SYT14: variants seen among roughly 807,000 people sequenced by gnomAD.
SYT14 encodes synaptotagmin-14.
A neutral mutation model predicts 74.2 loss-of-function variants in SYT14; 32 were observed. The ratio of observed to expected loss-of-function variants is 0.43; its 90% CI spans 0.33 to 0.58. The LOEUF (loss-of-function observed/expected upper bound fraction) is 0.58, where lower values mean the gene tolerates loss of function less well. Ranked by LOEUF, SYT14 falls within the 20% of genes least tolerant of loss-of-function variation. The pLI is 0.05. For synonymous variants in SYT14, 298 were observed against 337.7 expected (o/e 0.88, Z 1.29); for missense variants, 791 against 981.8 (o/e 0.81, Z 2.60).
chr1:210,059,427 AAT>A (rs374307953), intron 5 of SYT14, among the ~76,000 whole-genome samples: 5,583 of 79,856 alleles, frequency 0.07, 223 homozygotes, highest in Non-Finnish European at 0.077. Flanking sequence ...GACAAGAAAG[AAT>A]ATATATATAT....
chr1:210,141,017 A>G (rs1388322162), intron 7 of SYT14, among the ~76,000 whole-genome samples: 2 of 149,900 alleles, frequency 1.3e-5, no homozygotes, highest in Non-Finnish European at 3.0e-5. Context: ...TAGGACACTT[A>G]AATTTTAGGA....
intron 5 of SYT14, among the ~76,000 whole-genome samples, chr1:210,065,874 C>G (rs1225425903): frequency 6.6e-6 from 1 of 151,356 alleles, no homozygotes; most frequent in African/African-American, 2.4e-5. Flanking sequence ...TTTCCCTCCC[C>G]CTTCCCCCCA....
At chr1:209,965,571 A>G (rs1228046555) in intron 2 of SYT14, among the ~76,000 whole-genome samples, 1 of 152,180 alleles carries the variant, frequency 6.6e-6, no homozygotes, top group African/African-American at 2.4e-5. Flanking sequence ...TTGGGCATAT[A>G]CCCGGTAATG....
At chr1:210,002,421 T>C (rs2102883302) in intron 2 of SYT14, among the ~76,000 whole-genome samples, 1 of 152,304 alleles carries the variant, frequency 6.6e-6, no homozygotes, top group African/African-American at 2.4e-5. Context: ...CCCTTCTGCC[T>C]TGCTGCTTTT....
chr1:209,974,706 G>A (rs903626642), intron 2 of SYT14, among the ~76,000 whole-genome samples: 58 of 151,994 alleles, frequency 3.8e-4, no homozygotes, highest in African/African-American at 1.3e-3. Flanking sequence ...CTCTTTTTTG[G>A]TTCCATATGA....
intron 7 of SYT14, among the ~76,000 whole-genome samples, chr1:210,110,481 C>T (rs989718407): frequency 6.6e-6 from 1 of 152,088 alleles, no homozygotes; most frequent in African/African-American, 2.4e-5. Context: ...TCTTGAGTCA[C>T]TTGGGATATG....
intron 2 of SYT14, among the ~76,000 whole-genome samples, chr1:209,974,126 A>G (rs1403947962): frequency 6.6e-6 from 1 of 151,616 alleles, no homozygotes; most frequent in Non-Finnish European, 1.5e-5. Context: ...TTGTCAGATG[A>G]GTAGATTGCA....
At chr1:210,157,814 A>C (rs1000202276) in intron 8 of SYT14, among the ~76,000 whole-genome samples, 5 of 151,934 alleles carry the variant, frequency 3.3e-5, no homozygotes, top group African/African-American at 1.2e-4. Context: ...TAACTTTTTT[A>C]TCCTTGAATT....
At chr1:210,062,648 A>G (rs1855578) in intron 5 of SYT14, among the ~76,000 whole-genome samples, 4,135 of 151,994 alleles carry the variant, frequency 0.027, 200 homozygotes, top group African/African-American at 0.093. Flanking sequence ...ATGAAATTTG[A>G]CATTCTATTC....
intron 3 of SYT14, among the ~76,000 whole-genome samples, chr1:210,015,282 A>G (rs897021389): frequency 3.9e-5 from 6 of 152,162 alleles, no homozygotes; most frequent in African/African-American, 1.4e-4. Context: ...ATGAGAATGA[A>G]AAAGTTAAGT....
exon 10 of SYT14, chr1:210,169,259 G>C (rs189146694): frequency 8.6e-6 from 1 of 116,906 alleles, no homozygotes; most frequent in African/African-American, 3.5e-5. Flanking sequence ...TTTGTAGTGT[G>C]GGGAGTGGGG....
rs1217831459 is a variant in SYT14 at position 210,094,521 on chromosome 1, A to C, written c.1512A>C (p.Glu504Asp). 6 of 1,613,554 alleles carry C rather than the reference A, an allele frequency of 3.7e-6. No individual in the cohort carries two copies. The South Asian group carries it at 6.6e-5, about 18-fold the overall frequency. Residue 504 changes from glutamate to aspartate, a missense_variant, in exon 6 of 10, where the codon GAA becomes GAC. Physicochemically the swap from Glu to Asp is conservative, Grantham distance 45. Coordinates refer to ENST00000637265, the Ensembl canonical transcript of SYT14. ...CAAGTGAAGGAAGCACAGGTCATGA[A>C]ATAGAAAGTTTTCATAATAAAGGAT... is the stretch of plus-strand genomic sequence containing the variant.
chr1:209,999,306 G>T (rs192041241), intron 2 of SYT14, among the ~76,000 whole-genome samples: 3 of 152,206 alleles, frequency 2.0e-5, no homozygotes, highest in Non-Finnish European at 4.4e-5. Flanking sequence ...TGGTTGGAGA[G>T]AATGTAAATT....
intron 5 of SYT14, among the ~76,000 whole-genome samples, chr1:210,075,143 C>T (rs1411470652): frequency 2.6e-5 from 4 of 152,156 alleles, no homozygotes; most frequent in Non-Finnish European, 4.4e-5. Context: ...CAAACTTGGC[C>T]TCGTCCAGCC....
chr1:210,127,052 T>C (rs560130338), intron 7 of SYT14, among the ~76,000 whole-genome samples: 1 of 152,226 alleles, frequency 6.6e-6, no homozygotes, highest in South Asian at 2.1e-4. Flanking sequence ...GGAAAAATGG[T>C]AAAATGTGCT....
Position 209,968,186 on chromosome 1 carries a change from CATTGACTGAGACCT to C in SYT14, c.-486+15431_-486+15444del, listed in dbSNP as rs1377150163. 2.6e-5 allele frequency among the ~76,000 whole-genome samples: 4 copies of C among 152,100 alleles called. 1 individual carries two copies. Among genetic ancestry groups the C allele is most frequent in the African/African-American group, 9.7e-5 (4 of 41,408 alleles). ...GACAGAATGTAGCCTCATCTTAGGTCATTGACTGAGACCTTGTTTTCTAAAATAGACATTGAGTG... is the reference window on the plus strand; with the variant it reads ...GACAGAATGTAGCCTCATCTTAGGTCTGTTTTCTAAAATAGACATTGAGTG... On this transcript the variant is annotated intron_variant, in intron 2 of 9. Transcript: ENST00000637265.
intron 2 of SYT14, among the ~76,000 whole-genome samples, chr1:209,977,518 A>G (rs2079390224): frequency 6.6e-6 from 1 of 152,200 alleles, no homozygotes; most frequent in African/African-American, 2.4e-5. Flanking sequence ...TTCTTTAAGA[A>G]TGTTGAATAT....
intron 5 of SYT14, among the ~76,000 whole-genome samples, chr1:210,023,584 T>C (rs1166280628): frequency 6.6e-6 from 1 of 152,000 alleles, no homozygotes; most frequent in African/African-American, 2.4e-5. Context: ...CCTTGTGATC[T>C]GCCCGCCTCG....
At chr1:210,128,705 C>T (rs916926013) in intron 7 of SYT14, among the ~76,000 whole-genome samples, 10 of 152,116 alleles carry the variant, frequency 6.6e-5, no homozygotes, top group Admixed American at 2.0e-4. Context: ...TTATGGAATA[C>T]GAACAGTGTC....
Sources: gnomAD v4.1 joint callset for allele counts (sites outside exome capture counted in the v4.1 genomes callset) on GRCh38, gnomAD v4.1.1 for gene constraint, MANE v1.5 for transcripts, NCBI Gene and HGNC (gene_info 2026-07-23, HGNC 2026-07-21) for gene names.